The following ADAMTSL1 variants were observed in gnomAD, a reference collection of about 807,000 sequenced individuals.
The protein encoded by ADAMTSL1 is ADAMTS like 1, also known as ADAMTS-like protein 1.
Under a neutral mutation model 201.8 loss-of-function variants are expected in ADAMTSL1, and 126 were observed. The observed-to-expected ratio is 0.62, with a 90% CI of 0.54 to 0.72. The LOEUF (loss-of-function observed/expected upper bound fraction) is 0.72. ADAMTSL1 is among the 30% of genes least tolerant of loss of function. The pLI, the probability that ADAMTSL1 is intolerant of heterozygous loss-of-function variation, is 0.00. For missense variants in ADAMTSL1, 2,679 were observed against 2,277.8 expected (o/e 1.18, Z -3.59); for synonymous variants, 1,121 against 903.4 (o/e 1.24, Z -4.32).
intron 2 of ADAMTSL1, among the ~76,000 whole-genome samples, chr9:18,268,064 T>C (rs1328885786): frequency 2.0e-5 from 3 of 152,216 alleles, no homozygotes; most frequent in Non-Finnish European, 4.4e-5. Flanking sequence ...GCCAAGAAGA[T>C]GTGAACCTTC....
chr9:18,044,563 C>G (rs958520431), intron 1 of ADAMTSL1, among the ~76,000 whole-genome samples: 9 of 152,088 alleles, frequency 5.9e-5, no homozygotes, highest in African/African-American at 1.4e-4. Flanking sequence ...TTTTATTTCT[C>G]CACCACTTCC....
chr9:18,789,469 G>A (rs535941326), intron 19 of ADAMTSL1, among the ~76,000 whole-genome samples: 11 of 152,270 alleles, frequency 7.2e-5, no homozygotes, highest in South Asian at 6.2e-4. Flanking sequence ...ACCACTGTCC[G>A]CTATGCTATA....
chr9:18,338,421 A>G (rs1012461387), intron 2 of ADAMTSL1, among the ~76,000 whole-genome samples: 2 of 151,782 alleles, frequency 1.3e-5, no homozygotes, highest in Non-Finnish European at 2.9e-5. Context: ...CTCACACCTT[A>G]TGTAACTGAT....
intron 1 of ADAMTSL1, among the ~76,000 whole-genome samples, chr9:17,973,609 G>T (rs1426337441): frequency 1.2e-5 from 1 of 82,586 alleles, no homozygotes; most frequent in African/African-American, 3.6e-5. Flanking sequence ...GATGCCTCCA[G>T]CTTTGTTCTT....
chr9:18,036,272 A>T (rs1461551771), intron 1 of ADAMTSL1, among the ~76,000 whole-genome samples: 1 of 152,188 alleles, frequency 6.6e-6, no homozygotes, highest in Non-Finnish European at 1.5e-5. Flanking sequence ...GGCAGGGAAG[A>T]GGTTGAGAGG....
chr9:18,182,703 G>T (rs1460860965), intron 2 of ADAMTSL1, among the ~76,000 whole-genome samples: 1 of 152,178 alleles, frequency 6.6e-6, no homozygotes, highest in Admixed American at 6.5e-5. Flanking sequence ...GTGACATAAT[G>T]GCAGACATTT....
At chr9:18,852,494 G>T (rs1399329929) in intron 23 of ADAMTSL1, among the ~76,000 whole-genome samples, 2 of 149,202 alleles carry the variant, frequency 1.3e-5, no homozygotes, top group African/African-American at 4.8e-5. Context: ...TAAAGAAGAA[G>T]AATTCAGGCC....
At chr9:17,993,946 AT>A (rs1480107582) in intron 1 of ADAMTSL1, among the ~76,000 whole-genome samples, 3 of 152,046 alleles carry the variant, frequency 2.0e-5, no homozygotes, top group African/African-American at 7.2e-5. Context: ...ATCTTTGTCT[AT>A]GTTTTGAGAG....
chr9:18,370,308 T>C (rs1005010822), intron 2 of ADAMTSL1, among the ~76,000 whole-genome samples: 20 of 149,582 alleles, frequency 1.3e-4, no homozygotes, highest in African/African-American at 4.9e-4. Context: ...CACTGGGGAC[T>C]CCAAAGGGGA....
chr9:18,387,059 G>A (rs1449075761), intron 2 of ADAMTSL1, among the ~76,000 whole-genome samples: 1 of 151,838 alleles, frequency 6.6e-6, no homozygotes, highest in African/African-American at 2.4e-5. Flanking sequence ...ATATTGTTAG[G>A]TGAATAAATA....
At chr9:18,866,657 A>G (rs1216984928) in intron 23 of ADAMTSL1, among the ~76,000 whole-genome samples, 3 of 152,194 alleles carry the variant, frequency 2.0e-5, no homozygotes, top group South Asian at 4.1e-4. Context: ...TCTACAGCAG[A>G]GGGACATTGC....
intron 23 of ADAMTSL1, among the ~76,000 whole-genome samples, chr9:18,886,502 A>AAAACTAGTGGCTTATAAACAAAC (rs1168526468): frequency 4.6e-5 from 7 of 151,532 alleles, no homozygotes; most frequent in Admixed American, 4.6e-4. Flanking sequence ...CAGACATATA[A>AAAACTAGTGGCTTATAAACAAAC]AAACTAGTGG....
At chr9:18,856,338 A>G (rs1206885768) in intron 23 of ADAMTSL1, among the ~76,000 whole-genome samples, 2 of 152,056 alleles carry the variant, frequency 1.3e-5, no homozygotes, top group East Asian at 3.8e-4. Context: ...TTCATATATA[A>G]GTATTGCTTA....
At chr9:18,666,215 A>G (rs1367434924) in intron 9 of ADAMTSL1, among the ~76,000 whole-genome samples, 2 of 152,298 alleles carry the variant, frequency 1.3e-5, no homozygotes, top group South Asian at 2.1e-4. Flanking sequence ...TGCTGGTGTC[A>G]TTTACACAGT....
chr9:18,284,702 T>A (rs1832927478), intron 2 of ADAMTSL1, among the ~76,000 whole-genome samples: 1 of 152,230 alleles, frequency 6.6e-6, no homozygotes, highest in Non-Finnish European at 1.5e-5. Flanking sequence ...AACTATTATT[T>A]CATAACCCAA....
At chr9:18,128,863 G>A (rs1171939588) in intron 1 of ADAMTSL1, among the ~76,000 whole-genome samples, 1 of 152,104 alleles carries the variant, frequency 6.6e-6, no homozygotes, top group Non-Finnish European at 1.5e-5. Context: ...GGTGGCCATA[G>A]AAGGCTTTTG....
intron 23 of ADAMTSL1, among the ~76,000 whole-genome samples, chr9:18,865,405 G>A (rs899348822): frequency 6.6e-6 from 1 of 152,178 alleles, no homozygotes; most frequent in African/African-American, 2.4e-5. Flanking sequence ...ATTCCATGGT[G>A]TATATGTGCC....
At chr9:18,725,707 C>T (rs956376440) in intron 15 of ADAMTSL1, among the ~76,000 whole-genome samples, 1 of 151,982 alleles carries the variant, frequency 6.6e-6, no homozygotes, top group Non-Finnish European at 1.5e-5. Flanking sequence ...AAAGGTATAC[C>T]TTCCCTTATC....
intron 2 of ADAMTSL1, among the ~76,000 whole-genome samples, chr9:18,212,767 G>T (rs552674643): frequency 1.3e-5 from 2 of 152,184 alleles, no homozygotes; most frequent in South Asian, 4.1e-4. Context: ...TAGCTCTAGG[G>T]TGCCTTTTGC....
Sources: allele counts gnomAD v4.1 joint callset (sites outside exome capture counted in the v4.1 genomes callset), GRCh38; gene constraint gnomAD v4.1.1; transcripts MANE v1.5; gene names NCBI Gene and HGNC (gene_info 2026-07-23, HGNC 2026-07-21).